The following ABCC8 variants were observed in gnomAD, a reference collection of about 807,000 sequenced individuals.
ABCC8 encodes the protein ATP binding cassette subfamily C member 8.
Under a neutral mutation model 188.0 loss-of-function variants are expected in ABCC8, and 137 were observed. That is an observed-to-expected ratio of 0.73 (90% CI 0.63 to 0.84). The LOEUF (loss-of-function observed/expected upper bound fraction) is 0.84, where lower values mean the gene tolerates loss of function less well. Ranked by LOEUF, ABCC8 falls within the 40% of genes least tolerant of loss-of-function variation. The pLI is 0.00. For missense variants in ABCC8, 1,750 were observed against 2,072.7 expected (o/e 0.84, Z 3.02); for synonymous variants, 797 against 846.5 (o/e 0.94, Z 1.01).
chr11:17,393,276 TG>T, intron 38 of ABCC8, 148 bp from the exon 39 acceptor site: 3 of 1,113,674 alleles, frequency 2.7e-6, no homozygotes, highest in Non-Finnish European at 3.9e-6. Context: ...TGCACTTTCC[TG>T]GGGTGGATGT....
intron 8 of ABCC8, among the ~76,000 whole-genome samples, chr11:17,447,211 T>C (rs1956570581): frequency 6.6e-6 from 1 of 152,218 alleles, no homozygotes; most frequent in African/African-American, 2.4e-5. Flanking sequence ...GATTTCGGTT[T>C]CTGGCCTGAA....
chr11:17,401,498 C>G (rs971136570), intron 29 of ABCC8, among the ~76,000 whole-genome samples: 1 of 152,188 alleles, frequency 6.6e-6, no homozygotes, highest in Non-Finnish European at 1.5e-5. Flanking sequence ...AGGGCTGAAG[C>G]TGGACTTCAG....
At chr11:17,392,514 A>G, downstream of ABCC8, 2 of 260,234 alleles carry the variant, frequency 7.7e-6, no homozygotes, top group Admixed American at 5.1e-5. Flanking sequence ...CCCTAATCCA[A>G]TATGACTGGT....
intron 21 of ABCC8, among the ~76,000 whole-genome samples, chr11:17,411,324 G>A (rs537598956): frequency 6.6e-6 from 1 of 152,294 alleles, no homozygotes; most frequent in East Asian, 1.9e-4. Context: ...TTAGTGCCTG[G>A]CACAGAGTAG....
intron 10 of ABCC8, chr11:17,435,749 T>C: frequency 3.7e-6 from 5 of 1,346,374 alleles, no homozygotes; most frequent in African/African-American, 1.4e-5. Flanking sequence ...AGCTGGGGAA[T>C]CTTCAGGCCT....
rs1001479604 is a variant in ABCC8, at chr11:17,400,438, A to G, written c.3651-1997T>C. On this transcript the variant is annotated intron_variant, in intron 29 of 38. Transcript: ENST00000389817. ...TGGGAGCTTCTGCCACAGGCGTGCG[A>G]CAGTGTGTCTGAGGACTAGAAAAGA... Among the ~76,000 whole-genome samples the G allele has an allele frequency of 3.9e-5, 6 of 152,302 alleles. No individual in the cohort carries two copies. The Middle Eastern group carries it at 0.01, about 259-fold the overall frequency.
chr11:17,466,885 C>T (rs111670666), intron 3 of ABCC8, among the ~76,000 whole-genome samples: 1 of 151,998 alleles, frequency 6.6e-6, no homozygotes, highest in Non-Finnish European at 1.5e-5. Flanking sequence ...AGGCTGGTCT[C>T]GAACTTCTGA....
At chr11:17,445,507 A>T (rs1956489446) in intron 8 of ABCC8, among the ~76,000 whole-genome samples, 1 of 152,248 alleles carries the variant, frequency 6.6e-6, no homozygotes, top group African/African-American at 2.4e-5. Flanking sequence ...AAAAAAGATT[A>T]TGAAACAAGA....
rs1302234936 is a variant in ABCC8, at chr11:17,406,743, G to A, written c.3208C>T (p.Leu1070Phe). 4.3e-6 allele frequency: 7 copies of A among 1,614,120 alleles called. No individual in the cohort carries two copies. The highest frequency in any genetic ancestry group is 3.3e-4 in the Middle Eastern group (2 of 6,084). ...QTVYAMVFTV[L>F]CSLGIVLCLV... ...CACAGCACAATGCCCAGGCTGCAGA[G>A]CACCGTGAACACCATGGCATAGACA... Residue 1070 changes from leucine to phenylalanine, a missense_variant, in exon 26 of 39, where the codon CTC becomes TTC. Leu to Phe is a conservative substitution (Grantham distance 22). Transcript: ENST00000389817.
At chr11:17,418,372 A>C (rs1336231875) in intron 16 of ABCC8, among the ~76,000 whole-genome samples, 1 of 152,162 alleles carries the variant, frequency 6.6e-6, no homozygotes, top group Non-Finnish European at 1.5e-5. Context: ...GTCAGGACTG[A>C]ATGAAGATTC....
At chr11:17,405,119 T>C (rs367850047) in intron 27 of ABCC8, among the ~76,000 whole-genome samples, 7 of 152,282 alleles carry the variant, frequency 4.6e-5, no homozygotes, top group African/African-American at 1.7e-4. Context: ...CAAGGTAAAC[T>C]CCCTGAGGTA....
intron 2 of ABCC8, among the ~76,000 whole-genome samples, chr11:17,470,797 T>C (rs371872864): frequency 1.3e-5 from 2 of 152,304 alleles, no homozygotes; most frequent in East Asian, 3.9e-4. Context: ...GAGCAGTCAA[T>C]ACCAGCTCAT....
In ABCC8 at chr11:17,428,779, G is replaced by A. The variant is rs1430197405; in HGVS notation, c.1818-109C>T. ...AGCAGGATCTCAGGCCTGAAGTATAGTCCCACAAAGCCCACACTGAAGGGG... is the reference window on the plus strand; with the variant it reads ...AGCAGGATCTCAGGCCTGAAGTATAATCCCACAAAGCCCACACTGAAGGGG... On this transcript the variant is annotated intron_variant, in intron 12 of 38. Transcript: ENST00000389817. 19 of 1,544,874 alleles carry A rather than the reference G, an allele frequency of 1.2e-5. No individual in the cohort carries two copies. In the East Asian group the frequency reaches 4.5e-4, roughly 37 times the overall value.
intron 28 of ABCC8, among the ~76,000 whole-genome samples, chr11:17,403,437 A>C (rs1160440925): frequency 6.6e-6 from 1 of 152,122 alleles, no homozygotes; most frequent in African/African-American, 2.4e-5. Context: ...ACTTTGTAGA[A>C]CAGCTTGTGC....
intron 6 of ABCC8, among the ~76,000 whole-genome samples, chr11:17,458,120 T>C (rs1487977547): frequency 2.6e-5 from 4 of 152,034 alleles, no homozygotes; most frequent in Admixed American, 6.5e-5. Flanking sequence ...TGATGGAGAG[T>C]TCTTTGTTGC....
Position 17,449,150 on chromosome 11 carries a change from AC to A in ABCC8, c.1177-480del, listed in dbSNP as rs201461975. On this transcript the variant is annotated intron_variant, in intron 7 of 38. Transcript: ENST00000389817. ...GCCATGTTGGCCAGGCTGGTCTCAA[AC>A]TCCTGACCTCAGGAGATCCATCCAC... is the stretch of plus-strand genomic sequence containing the variant. Among the ~76,000 whole-genome samples, 1,368 of 152,156 alleles carry A rather than the reference AC, an allele frequency of 9.0e-3. 7 individuals are homozygous for A. The highest frequency in any genetic ancestry group is 0.015 in the Non-Finnish European group (1,010 of 68,010).
At position 17,453,259 on chromosome 11, in the gene ABCC8, C is replaced by T. The variant is rs1956877954; in HGVS notation, c.1036G>A (p.Val346Ile). The T allele has an allele frequency of 6.2e-7, 1 of 1,614,086 alleles. No individual in the cohort carries two copies. Among genetic ancestry groups the T allele is most frequent in the Non-Finnish European group, 8.5e-7 (1 of 1,180,026 alleles). Residue 346 changes from valine (V) to isoleucine (I), a missense_variant, in exon 7 of 39, where the codon GTC (valine) becomes ATC (isoleucine). Val to Ile is a conservative substitution (Grantham distance 29, BLOSUM62 3). Transcript: ENST00000389817. ...TTGGCAAGGAACTCTTGGGATGAGACAAAGTAAACCCCGAGAAATTGTGTC... is the reference window on the plus strand; with the variant it reads ...TTGGCAAGGAACTCTTGGGATGAGATAAAGTAAACCCCGAGAAATTGTGTC... ...PKTQFLGVYF[V>I]SSQEFLANAY...
Position 17,439,311 on chromosome 11 carries a change from C to A in ABCC8, c.1630+3409G>T, listed in dbSNP as rs529745060. 4.5e-4 allele frequency among the ~76,000 whole-genome samples: 69 copies of A among 152,266 alleles called. 2 individuals carry two copies. The South Asian group carries it at 0.013, about 30-fold the overall frequency. ...TCAGTGATATTGATGGCGAGACCAT[C>A]AGACAGAGTCACAGGTAATCTTGCC... On this transcript the variant is annotated intron_variant, in intron 10 of 38. Transcript: ENST00000389817.
intron 22 of ABCC8, 178 bp from the exon 23 acceptor site, chr11:17,408,695 C>T (rs113675120): frequency 7.8e-6 from 4 of 513,178 alleles, no homozygotes; most frequent in African/African-American, 6.2e-5. Context: ...CAACATACTC[C>T]TAGGACCTAG....
Sources: allele counts gnomAD v4.1 joint callset (sites outside exome capture counted in the v4.1 genomes callset), GRCh38; gene constraint gnomAD v4.1.1; transcripts MANE v1.5; gene names NCBI Gene and HGNC (gene_info 2026-07-23, HGNC 2026-07-21).